Variants in CNTN5 observed in about 807,000 individuals in gnomAD.
CNTN5 encodes contactin-5.
In CNTN5, 77 loss-of-function variants were observed where a neutral mutation model predicts 129.1. The observed-to-expected ratio is 0.60, with a 90% confidence interval of 0.50 to 0.72. The LOEUF (loss-of-function observed/expected upper bound fraction) is 0.72, where lower values mean the gene tolerates loss of function less well. CNTN5 is among the 30% of genes least tolerant of loss of function. CNTN5 has a pLI of 0.00. For missense variants in CNTN5, 1,478 were observed against 1,328.8 expected (o/e 1.11, Z -1.75); for synonymous variants, 509 against 465.6 (o/e 1.09, Z -1.20).
chr11:99,234,078 G>A (rs923069875), intron 1 of CNTN5, among the ~76,000 whole-genome samples: 7 of 152,186 alleles, frequency 4.6e-5, no homozygotes, highest in African/African-American at 1.7e-4. Context: ...TGCAAATCCT[G>A]ACACGTAAAT....
chr11:99,083,302 T>G (rs1157696838), intron 1 of CNTN5, among the ~76,000 whole-genome samples: 1 of 152,162 alleles, frequency 6.6e-6, no homozygotes, highest in Non-Finnish European at 1.5e-5. Flanking sequence ...TTCACACATG[T>G]GTCCTCTCTT....
chr11:100,011,182 A>G (rs141423775), intron 9 of CNTN5, among the ~76,000 whole-genome samples: 1 of 152,142 alleles, frequency 6.6e-6, no homozygotes, highest in East Asian at 1.9e-4. Flanking sequence ...TTCTTACCAC[A>G]TTTACATTAG....
At chr11:99,950,304 C>A (rs889621678) in intron 7 of CNTN5, among the ~76,000 whole-genome samples, 1 of 152,012 alleles carries the variant, frequency 6.6e-6, no homozygotes. Flanking sequence ...CAGTGAAACC[C>A]CATCTCTACT....
chr11:99,469,651 A>C (rs1945095224), intron 2 of CNTN5, among the ~76,000 whole-genome samples: 1 of 152,154 alleles, frequency 6.6e-6, no homozygotes, highest in East Asian at 1.9e-4. Context: ...ATGAGGATAA[A>C]TAAATGGAAA....
At chr11:99,432,052 C>T (rs1163843851) in intron 2 of CNTN5, among the ~76,000 whole-genome samples, 1 of 152,130 alleles carries the variant, frequency 6.6e-6, no homozygotes, top group Non-Finnish European at 1.5e-5. Flanking sequence ...AGAGTAGCTG[C>T]CTTTGGAGAT....
intron 2 of CNTN5, among the ~76,000 whole-genome samples, chr11:99,542,783 C>T (rs1948160535): frequency 6.6e-6 from 1 of 152,182 alleles, no homozygotes; most frequent in African/African-American, 2.4e-5. Context: ...GTCCTTGTAC[C>T]ACCACCCTGC....
intron 3 of CNTN5, among the ~76,000 whole-genome samples, chr11:99,768,070 G>A (rs574976551): frequency 2.4e-4 from 37 of 152,144 alleles, no homozygotes; most frequent in African/African-American, 8.7e-4. Flanking sequence ...CTGCAAGACT[G>A]AGTTGAGTAG....
chr11:100,263,244 A>C (rs990226334), intron 17 of CNTN5, among the ~76,000 whole-genome samples: 1 of 152,108 alleles, frequency 6.6e-6, no homozygotes, highest in Non-Finnish European at 1.5e-5. Flanking sequence ...TTTTGTTTTA[A>C]ACTCTAATGA....
chr11:99,107,821 C>G (rs1199857338), intron 1 of CNTN5, among the ~76,000 whole-genome samples: 1 of 151,224 alleles, frequency 6.6e-6, no homozygotes, highest in African/African-American at 2.4e-5. Flanking sequence ...GCTCCAGCTA[C>G]TCGGGAGGCT....
At chr11:99,531,408 GC>G (rs1947700850) in intron 2 of CNTN5, among the ~76,000 whole-genome samples, 1 of 152,176 alleles carries the variant, frequency 6.6e-6, no homozygotes, top group Non-Finnish European at 1.5e-5. Context: ...AAAATTTGCA[GC>G]CTGACTATTC....
chr11:100,125,542 C>T (rs575149591), intron 13 of CNTN5, among the ~76,000 whole-genome samples: 5 of 152,186 alleles, frequency 3.3e-5, no homozygotes, highest in Admixed American at 2.0e-4. Flanking sequence ...ATATGTATGA[C>T]ATTTTCCTTA....
chr11:99,731,136 T>C (rs1943518625), intron 3 of CNTN5, among the ~76,000 whole-genome samples: 1 of 150,548 alleles, frequency 6.6e-6, no homozygotes, highest in South Asian at 2.1e-4. Context: ...TGAGACGGAG[T>C]CTTGCTCTGT....
chr11:99,268,458 A>G (rs1346426793), intron 1 of CNTN5, among the ~76,000 whole-genome samples: 4 of 151,762 alleles, frequency 2.6e-5, no homozygotes, highest in Non-Finnish European at 4.4e-5. Flanking sequence ...ATAAAATATA[A>G]TGGAAAATTA....
chr11:99,549,497 G>A (rs1435382707), intron 2 of CNTN5, among the ~76,000 whole-genome samples: 2 of 152,120 alleles, frequency 1.3e-5, no homozygotes, highest in African/African-American at 2.4e-5. Flanking sequence ...GAATAGTAAA[G>A]TCTTCTTTGG....
intron 3 of CNTN5, among the ~76,000 whole-genome samples, chr11:99,566,066 G>A (rs906420305): frequency 2.6e-5 from 4 of 152,124 alleles, no homozygotes; most frequent in Non-Finnish European, 4.4e-5. Context: ...TGCAAATCTC[G>A]TGTTGAAATG....
intron 4 of CNTN5, among the ~76,000 whole-genome samples, chr11:99,833,778 G>A (rs1305423407): frequency 1.3e-5 from 2 of 152,072 alleles, no homozygotes; most frequent in African/African-American, 4.8e-5. Context: ...AGACCCTCTT[G>A]TAGAAGACTC....
intron 9 of CNTN5, among the ~76,000 whole-genome samples, chr11:100,026,747 T>A (rs541764655): frequency 3.3e-4 from 51 of 152,306 alleles, no homozygotes; most frequent in African/African-American, 1.2e-3. Context: ...ATTGTTTAGT[T>A]TTAAGAGTCC....
At chr11:99,969,495 A>G (rs11222096) in intron 8 of CNTN5, among the ~76,000 whole-genome samples, 10,596 of 152,190 alleles carry the variant, frequency 0.07, 760 homozygotes, top group East Asian at 0.31. Context: ...TTGACACTCA[A>G]TTCTGCTGCT....
At chr11:100,101,458 A>G (rs570396682) in intron 13 of CNTN5, among the ~76,000 whole-genome samples, 3 of 152,170 alleles carry the variant, frequency 2.0e-5, no homozygotes, top group Admixed American at 6.6e-5. Context: ...CTCCAATGAT[A>G]GAGAATTTCT....
Sources: allele counts gnomAD v4.1 joint callset (sites outside exome capture counted in the v4.1 genomes callset), GRCh38; gene constraint gnomAD v4.1.1; transcripts MANE v1.5; gene names NCBI Gene and HGNC (gene_info 2026-07-23, HGNC 2026-07-21).